SNTG2: variants seen among roughly 807,000 people sequenced by gnomAD.
The protein encoded by SNTG2 is syntrophin gamma 2.
SNTG2 carries 74 observed loss-of-function variants against 70.9 expected under a neutral mutation model. The ratio of observed to expected loss-of-function variants is 1.04; its 90% CI spans 0.86 to 1.27. The LOEUF (loss-of-function observed/expected upper bound fraction) is 1.27. SNTG2 is among the 50% of genes most tolerant of loss of function. SNTG2 has a pLI of 0.00. For synonymous variants in SNTG2, 278 were observed against 273.8 expected (o/e 1.02, Z -0.15); for missense variants, 717 against 690.7 (o/e 1.04, Z -0.43).
rs1661319680 is a variant in SNTG2, at chr2:1,363,637, G to T, written c.1489-3706G>T. 2.0e-5 allele frequency among the ~76,000 whole-genome samples: 3 copies of T among 152,182 alleles called. No homozygotes were observed. In the South Asian group the frequency reaches 6.2e-4, roughly 32 times the overall value. On this transcript the variant is annotated intron_variant, in intron 16 of 16. Transcript: ENST00000308624. ...ATCCATACAGGGTGTCCCCAGCTTA[G>T]AACTCAACACAAGTATTTTGTTCAA...
At chr2:1,277,465 A>G (rs1313488648) in intron 14 of SNTG2, among the ~76,000 whole-genome samples, 1 of 152,240 alleles carries the variant, frequency 6.6e-6, no homozygotes, top group Non-Finnish European at 1.5e-5. Context: ...GTATGTTTAA[A>G]TTAAGGTGTG....
At chr2:1,152,617 T>A (rs978657797) in intron 6 of SNTG2, among the ~76,000 whole-genome samples, 1 of 152,182 alleles carries the variant, frequency 6.6e-6, no homozygotes, top group Non-Finnish European at 1.5e-5. Flanking sequence ...TGTGTGCACA[T>A]GTATGCATCT....
At chr2:1,367,305 C>T in intron 16 of SNTG2, 38 bp from the exon 17 acceptor site, 1 of 1,490,474 alleles carries the variant, frequency 6.7e-7, no homozygotes. Context: ...GTTCTTCCAA[C>T]AATTATAATA....
chr2:1,162,969 G>A lies in SNTG2; in HGVS notation c.412-2579G>A, dbSNP rs75323768. Among the ~76,000 whole-genome samples, 831 of 152,304 alleles carry A rather than the reference G, an allele frequency of 5.5e-3. 6 individuals are homozygous for A. The highest frequency in any genetic ancestry group is 0.018 in the African/African-American group (743 of 41,564). On this transcript the variant is annotated intron_variant, in intron 6 of 16. Coordinates refer to ENST00000308624, the MANE Select transcript of SNTG2 (RefSeq NM_018968.4). Reference sequence around the variant, plus strand: ...TACTGAACAGCAGGGGAGGAAAGACGCCTTGGAGACAGCCGGCAGAAGAGG... The same window carrying A: ...TACTGAACAGCAGGGGAGGAAAGACACCTTGGAGACAGCCGGCAGAAGAGG...
At chr2:1,043,600 G>C (rs566795549) in intron 1 of SNTG2, among the ~76,000 whole-genome samples, 93 of 152,250 alleles carry the variant, frequency 6.1e-4, no homozygotes, top group South Asian at 3.9e-3. Flanking sequence ...TGTGGTAAAA[G>C]GAAGAGGTCC....
At chr2:965,368 A>G (rs111163180) in intron 1 of SNTG2, among the ~76,000 whole-genome samples, 2,785 of 102,398 alleles carry the variant, frequency 0.027, 157 homozygotes, top group Admixed American at 0.039. Flanking sequence ...CTGGTCCCCA[A>G]TCCTCCTCCT....
chr2:1,255,825 TATATATAA>T (rs879546139), intron 12 of SNTG2, among the ~76,000 whole-genome samples: 11,699 of 59,102 alleles, frequency 0.2, 714 homozygotes, highest in South Asian at 0.32. Flanking sequence ...TGTATGTATA[TATATATAA>T]ATATATATAA....
Position 1,287,015 on chromosome 2 carries a change from T to C in SNTG2, c.1284+19444T>C, listed in dbSNP as rs542855849. Among the ~76,000 whole-genome samples the C allele has an allele frequency of 4.6e-5, 7 of 152,218 alleles. 1 individual carries two copies. The South Asian group carries it at 1.5e-3, about 32-fold the overall frequency. ...AGGGGGCTGGTGAGACCAGGTGTGTTCTCCAGGTGGACACACAGCTCAGAG... is the reference window on the plus strand; with the variant it reads ...AGGGGGCTGGTGAGACCAGGTGTGTCCTCCAGGTGGACACACAGCTCAGAG... On this transcript the variant is annotated intron_variant, in intron 14 of 16. Coordinates refer to ENST00000308624, the MANE Select transcript of SNTG2 (RefSeq NM_018968.4).
At chr2:959,542 G>A (rs142001762) in intron 1 of SNTG2, among the ~76,000 whole-genome samples, 69 of 152,018 alleles carry the variant, frequency 4.5e-4, no homozygotes, top group Non-Finnish European at 8.4e-4. Flanking sequence ...TGCTAGGGTC[G>A]CCTGGTGCAG....
At chr2:1,120,896 G>A (rs541756914) in intron 4 of SNTG2, among the ~76,000 whole-genome samples, 1 of 151,940 alleles carries the variant, frequency 6.6e-6, no homozygotes, top group East Asian at 1.9e-4. Context: ...TGCACTTTGG[G>A]CCAAAAAGAC....
At chr2:1,249,712 G>A (rs931417914) in intron 12 of SNTG2, among the ~76,000 whole-genome samples, 2 of 152,206 alleles carry the variant, frequency 1.3e-5, no homozygotes, top group Non-Finnish European at 2.9e-5. Flanking sequence ...GACTATGTTT[G>A]ATTTTGAAAT....
chr2:1,340,938 A>G (rs1660052821), intron 16 of SNTG2: 1 of 152,234 alleles, frequency 6.6e-6, no homozygotes, highest in Non-Finnish European at 1.5e-5. Flanking sequence ...CCTAAATTAT[A>G]GCTGCCATTT....
chr2:1,095,001 C>A (rs188210543), intron 2 of SNTG2, among the ~76,000 whole-genome samples: 53 of 149,572 alleles, frequency 3.5e-4, no homozygotes, highest in African/African-American at 9.4e-4. Context: ...AGCTTCCTGG[C>A]CTGCAGGCAA....
At chr2:1,075,638 A>G (rs1384452078) in intron 1 of SNTG2, among the ~76,000 whole-genome samples, 1 of 152,130 alleles carries the variant, frequency 6.6e-6, no homozygotes, top group East Asian at 1.9e-4. Context: ...GTTTTGGTTT[A>G]TATCTAAAAC....
intron 13 of SNTG2, among the ~76,000 whole-genome samples, chr2:1,261,909 C>T (rs1033887791): frequency 2.0e-5 from 3 of 152,174 alleles, no homozygotes; most frequent in Non-Finnish European, 2.9e-5. Flanking sequence ...CTGCAAAGCT[C>T]ATCCCGAATC....
chr2:1,350,350 C>T (rs1394869136), intron 16 of SNTG2, among the ~76,000 whole-genome samples: 1 of 152,178 alleles, frequency 6.6e-6, no homozygotes, highest in East Asian at 1.9e-4. Flanking sequence ...GAAAGTGTCA[C>T]TGTGTGAATG....
intron 1 of SNTG2, among the ~76,000 whole-genome samples, chr2:997,994 G>T (rs74523648): frequency 0.072 from 10,958 of 152,192 alleles, 493 homozygotes; most frequent in Middle Eastern, 0.14. Context: ...CTACTCACCT[G>T]ACCAGTACAT....
At chr2:1,246,736 A>AGTTC (rs1677453782) in intron 11 of SNTG2, among the ~76,000 whole-genome samples, 1 of 792 alleles carries the variant, frequency 1.3e-3, no homozygotes, top group Admixed American at 0.015. Flanking sequence ...TATTAGATTG[A>AGTTC]ATTCACTGAA....
At chr2:960,627 C>G (rs956742653) in intron 1 of SNTG2, among the ~76,000 whole-genome samples, 2 of 150,172 alleles carry the variant, frequency 1.3e-5, no homozygotes, top group Non-Finnish European at 3.0e-5. Flanking sequence ...TCTGAGGGTT[C>G]CCGGGCATGG....
Sources: allele counts gnomAD v4.1 joint callset (sites outside exome capture counted in the v4.1 genomes callset), GRCh38; gene constraint gnomAD v4.1.1; transcripts MANE v1.5; gene names NCBI Gene and HGNC (gene_info 2026-07-23, HGNC 2026-07-21).